Variants in TMEM182 observed in about 807,000 individuals in gnomAD.
TMEM182 encodes transmembrane protein 182.
A neutral mutation model predicts 26.8 loss-of-function variants in TMEM182; 20 were observed. That is an observed-to-expected ratio of 0.75 (90% confidence interval 0.53 to 1.09). The LOEUF (loss-of-function observed/expected upper bound fraction) is 1.09, where lower values mean the gene tolerates loss of function less well. Among genes scored for constraint, TMEM182 ranks in the 50% least tolerant of loss-of-function variants. TMEM182 has a pLI of 0.00. For missense variants in TMEM182, 277 were observed against 275.5 expected (o/e 1.01, Z -0.04); for synonymous variants, 109 against 102.2 (o/e 1.07, Z -0.40).
At chr2:102,842,648 C>T (rs749804571) in intron 3 of TMEM182, among the ~76,000 whole-genome samples, 10 of 152,180 alleles carry the variant, frequency 6.6e-5, no homozygotes, top group Non-Finnish European at 1.5e-4. Flanking sequence ...AAAGGGCATG[C>T]CACTGACAGA....
intron 1 of TMEM182, among the ~76,000 whole-genome samples, chr2:102,751,567 A>G (rs758778938): frequency 3.9e-5 from 6 of 152,138 alleles, no homozygotes; most frequent in Non-Finnish European, 7.3e-5. Flanking sequence ...ACTCTTTGTT[A>G]GCAAAGAAAA....
At chr2:102,791,476 A>G (rs1253445587) in intron 3 of TMEM182, among the ~76,000 whole-genome samples, 1 of 152,200 alleles carries the variant, frequency 6.6e-6, no homozygotes, top group Non-Finnish European at 1.5e-5. Context: ...AATAAACTGA[A>G]TTCTCCAGAA....
chr2:102,751,456 C>G (rs1679874413), intron 1 of TMEM182, among the ~76,000 whole-genome samples: 1 of 152,190 alleles, frequency 6.6e-6, no homozygotes, highest in Non-Finnish European at 1.5e-5. Context: ...TTTGAACATG[C>G]ATAGTCCTAG....
At chr2:102,761,464 C>T (rs1306028310), upstream of TMEM182, among the ~76,000 whole-genome samples, 1 of 152,146 alleles carries the variant, frequency 6.6e-6, no homozygotes, top group East Asian at 1.9e-4. Flanking sequence ...TTTTATGTCA[C>T]TAGTGTATGC....
chr2:102,799,120 A>G (rs1682004659), intron 4 of TMEM182, among the ~76,000 whole-genome samples: 2 of 152,228 alleles, frequency 1.3e-5, no homozygotes, highest in Admixed American at 1.3e-4. Flanking sequence ...CTTCAGTATG[A>G]CTGAGACCAA....
chr2:102,819,462 A>G (rs1682862831), downstream of TMEM182, among the ~76,000 whole-genome samples: 1 of 152,194 alleles, frequency 6.6e-6, no homozygotes, highest in Non-Finnish European at 1.5e-5. Flanking sequence ...AGAAAGTCGG[A>G]TTAACTTGTC....
intron 1 of TMEM182, among the ~76,000 whole-genome samples, chr2:102,750,404 T>C (rs1679844162): frequency 6.6e-6 from 1 of 152,206 alleles, no homozygotes; most frequent in Non-Finnish European, 1.5e-5. Flanking sequence ...TATACCTGTT[T>C]TTTGCCGATG....
intron 1 of TMEM182, among the ~76,000 whole-genome samples, chr2:102,752,398 A>G (rs1679899974): frequency 6.6e-6 from 1 of 152,234 alleles, no homozygotes; most frequent in African/African-American, 2.4e-5. Flanking sequence ...TGCTTACCCC[A>G]TACCACATAT....
rs1682683216 is a variant in TMEM182, at chr2:102,814,823, A to G, written c.545A>G (p.Asn182Ser). The change falls in exon 5 of 5, where the codon AAC becomes AGC. Residue 182 changes from asparagine to serine, a missense_variant. Transcript: ENST00000412401. ...GTGGCTGACATGGAAAGCTACCGAA[A>G]CATGAAAATGAAGGACTGCCTGGAT... ...QAVADMESYR[N>S]MKMKDCLDFT... The G allele has an allele frequency of 6.2e-7, 1 of 1,613,764 alleles. No individual in the cohort carries two copies. The highest frequency in any genetic ancestry group is 8.5e-7 in the Non-Finnish European group (1 of 1,179,966).
chr2:102,740,451 T>C (rs566823086), intron 1 of TMEM182, among the ~76,000 whole-genome samples: 22 of 152,254 alleles, frequency 1.4e-4, no homozygotes, highest in African/African-American at 4.6e-4. Context: ...ACATGTTTGC[T>C]TCCCCTTCCA....
At chr2:102,829,827 C>T (rs1474579212) in intron 3 of TMEM182, among the ~76,000 whole-genome samples, 6 of 152,136 alleles carry the variant, frequency 3.9e-5, no homozygotes, top group Non-Finnish European at 8.8e-5. Context: ...TCTTGCATCA[C>T]ATATTTTGCT....
rs1682746813 is a variant in TMEM182 at position 102,816,335 on chromosome 2, C to T, written c.*1367C>T. The T allele has an allele frequency of 2.0e-6, 2 of 985,232 alleles. No individual in the cohort carries two copies. Among genetic ancestry groups the T allele is most frequent in the Non-Finnish European group, 2.4e-6 (2 of 829,926 alleles). 61.0% of individuals were successfully genotyped at this position (985,232 alleles called of 1,614,324 possible). ...AAAAAAAGTCACCACCCAGAAGATGCTCTGGGATAGAGGAACTGCTCCTTT... is the reference window on the plus strand; with the variant it reads ...AAAAAAAGTCACCACCCAGAAGATGTTCTGGGATAGAGGAACTGCTCCTTT... On this transcript the variant is annotated 3_prime_UTR_variant, in exon 5 of 5. Transcript: ENST00000412401.
In TMEM182 at chr2:102,772,318, G is replaced by A. The variant is rs182661427; in HGVS notation, c.331+7891G>A. Reference sequence around the variant, plus strand: ...GAATCAGCCCTAAATTCTTGCCCTCGTGGGGCTTTCATTATAGCGGGGAGG... The same window carrying A: ...GAATCAGCCCTAAATTCTTGCCCTCATGGGGCTTTCATTATAGCGGGGAGG... On this transcript the variant is annotated intron_variant, in intron 3 of 4. Transcript: ENST00000412401. 1.2e-4 allele frequency among the ~76,000 whole-genome samples: 19 copies of A among 152,238 alleles called. No individual in the cohort carries two copies. In the East Asian group the frequency reaches 2.1e-3, roughly 17 times the overall value.
intron 3 of TMEM182, among the ~76,000 whole-genome samples, chr2:102,837,459 A>T (rs1311125364): frequency 6.8e-6 from 1 of 148,014 alleles, no homozygotes; most frequent in Non-Finnish European, 1.5e-5. Flanking sequence ...CAATATGGGA[A>T]CTCTTGAAAC....
At chr2:102,745,291 ATC>A (rs1679659262) in intron 1 of TMEM182, among the ~76,000 whole-genome samples, 1 of 152,050 alleles carries the variant, frequency 6.6e-6, no homozygotes, top group Non-Finnish European at 1.5e-5. Flanking sequence ...TAGAGTTTTT[ATC>A]TCTCTGTTGA....
At chr2:102,783,261 C>A (rs371617086) in intron 3 of TMEM182, among the ~76,000 whole-genome samples, 1 of 152,100 alleles carries the variant, frequency 6.6e-6, no homozygotes, top group South Asian at 2.1e-4. Flanking sequence ...TGATTTCCTG[C>A]GTAAAATGGG....
intron 3 of TMEM182, among the ~76,000 whole-genome samples, chr2:102,841,539 C>T (rs905405815): frequency 6.6e-6 from 1 of 152,304 alleles, no homozygotes; most frequent in East Asian, 1.9e-4. Context: ...ACAGGCTCCG[C>T]AGCAATGACA....
At chr2:102,792,144 CAT>C (rs764692910) in intron 3 of TMEM182, among the ~76,000 whole-genome samples, 39 of 145,902 alleles carry the variant, frequency 2.7e-4, no homozygotes, top group Admixed American at 5.5e-4. Context: ...TGTGTATGTT[CAT>C]ATATATATAT....
intron 1 of TMEM182, among the ~76,000 whole-genome samples, chr2:102,742,644 C>T (rs1679577778): frequency 6.6e-6 from 1 of 152,042 alleles, no homozygotes; most frequent in Admixed American, 6.5e-5. Context: ...ACACAGAAAA[C>T]TGAAAACAGA....
Sources: allele counts gnomAD v4.1 joint callset (sites outside exome capture counted in the v4.1 genomes callset), GRCh38; gene constraint gnomAD v4.1.1; transcripts MANE v1.5; gene names NCBI Gene and HGNC (gene_info 2026-07-23, HGNC 2026-07-21).